Variants in LRP1B observed in about 807,000 individuals in gnomAD.
The protein encoded by LRP1B is low-density lipoprotein receptor-related protein 1B.
A neutral mutation model predicts 556.6 loss-of-function variants in LRP1B; 217 were observed. That is an observed-to-expected ratio of 0.39 (90% CI 0.35 to 0.44). The LOEUF is 0.44. LRP1B is among the 20% of genes least tolerant of loss of function. The probability of loss-of-function intolerance (pLI) is 1.00; values close to 1 mark genes in which losing one functional copy is unlikely to be tolerated. For missense variants in LRP1B, 5,053 were observed against 5,620.8 expected (o/e 0.90, Z 3.23); for synonymous variants, 2,047 against 1,865.8 (o/e 1.10, Z -2.50).
At chr2:140,258,872 GT>G (rs1346051354) in intron 86 of LRP1B, among the ~76,000 whole-genome samples, 1 of 152,006 alleles carries the variant, frequency 6.6e-6, no homozygotes, top group African/African-American at 2.4e-5. Context: ...AAAAATCTTT[GT>G]CTTCCTTTAC....
chr2:140,336,082 G>C (rs1681077820), intron 77 of LRP1B, among the ~76,000 whole-genome samples: 1 of 151,954 alleles, frequency 6.6e-6, no homozygotes, highest in African/African-American at 2.4e-5. Flanking sequence ...TTACTCTGCT[G>C]AAATATTTCC....
chr2:140,846,578 A>AAGAT (rs1692280277), intron 29 of LRP1B, among the ~76,000 whole-genome samples: 1 of 152,082 alleles, frequency 6.6e-6, no homozygotes, highest in Non-Finnish European at 1.5e-5. Flanking sequence ...GAAAGAAAGA[A>AAGAT]AATGGCCCAC....
chr2:142,106,548 A>G (rs535102378), intron 1 of LRP1B, among the ~76,000 whole-genome samples: 1 of 152,202 alleles, frequency 6.6e-6, no homozygotes, highest in African/African-American at 2.4e-5. Flanking sequence ...GCCAATCTAT[A>G]CTCCATTATA....
At chr2:140,421,412 G>C (rs1481752382) in intron 66 of LRP1B, among the ~76,000 whole-genome samples, 1 of 152,062 alleles carries the variant, frequency 6.6e-6, no homozygotes, top group African/African-American at 2.4e-5. Flanking sequence ...ATTTATACTG[G>C]TCACTAATGT....
intron 3 of LRP1B, among the ~76,000 whole-genome samples, chr2:141,348,973 C>T (rs569312104): frequency 1.5e-4 from 23 of 151,964 alleles, no homozygotes; most frequent in Non-Finnish European, 2.4e-4. Flanking sequence ...CTTGTTTCTC[C>T]TTGCCTTCCA....
intron 2 of LRP1B, among the ~76,000 whole-genome samples, chr2:141,675,451 A>C (rs1337062164): frequency 6.6e-6 from 1 of 152,038 alleles, no homozygotes; most frequent in Admixed American, 6.6e-5. Context: ...GGTCATGTTC[A>C]TAGTCCAGAG....
chr2:140,545,601 C>T (rs1209160955), intron 43 of LRP1B, among the ~76,000 whole-genome samples: 1 of 151,964 alleles, frequency 6.6e-6, no homozygotes, highest in Non-Finnish European at 1.5e-5. Context: ...TGTAGGTATG[C>T]AGCCTTATTT....
Position 140,485,398 on chromosome 2 carries a change from G to A in LRP1B, c.9370C>T (p.Leu3124Phe), listed in dbSNP as rs2105362699. 1.2e-6 allele frequency: 2 copies of A among 1,613,790 alleles called. No homozygotes were observed. Among genetic ancestry groups the A allele is most frequent in the Non-Finnish European group, 1.7e-6 (2 of 1,179,828 alleles). The stretch of plus-strand genomic sequence containing the variant: ...GGAAACTTCAGCCTTTTGCTAACGA[G>A]TATAGTAGGGTACAAGCCATTGAGT... ...SKLNGLYPTI[L>F]VSKRLKFPRD... is the part of the protein sequence containing the mutation. Residue 3124 changes from leucine (L) to phenylalanine (F), a missense_variant, in exon 59 of 91, where the codon CTC becomes TTC. Physicochemically the swap from Leu to Phe is conservative, Grantham distance 22. This residue lies in a region of LRP1B where 3,619 missense variants were observed against 3,931.9 expected (regional missense o/e 0.92). Coordinates refer to ENST00000389484, the MANE Select transcript of LRP1B (RefSeq NM_018557.3).
chr2:140,871,686 G>C (rs534737730), intron 25 of LRP1B, among the ~76,000 whole-genome samples: 1 of 151,990 alleles, frequency 6.6e-6, no homozygotes, highest in African/African-American at 2.4e-5. Flanking sequence ...CTACTATAGG[G>C]GCTTTATTTA....
At position 140,815,686 on chromosome 2, in the gene LRP1B, T is replaced by C. The variant is rs570551946; in HGVS notation, c.5210-1880A>G. ...TTGTCAAGCCATATATTTAGGATGG[T>C]TTACTTTTCCATATGTACGTGATTC... On this transcript the variant is annotated intron_variant, in intron 31 of 90. Transcript: ENST00000389484. 2.6e-5 allele frequency among the ~76,000 whole-genome samples: 4 copies of C among 152,240 alleles called. No homozygotes were observed. The South Asian group carries it at 8.3e-4, about 32-fold the overall frequency.
At chr2:140,371,408 C>T (rs634115) in intron 69 of LRP1B, 123 bp from the exon 70 acceptor site, 177,483 of 432,304 alleles carry the variant, frequency 0.41, 36,897 homozygotes, top group Non-Finnish European at 0.44. Context: ...TACTATATAA[C>T]GACATTTAAT....
chr2:140,777,178 A>G (rs1689527817), intron 32 of LRP1B, among the ~76,000 whole-genome samples: 1 of 152,194 alleles, frequency 6.6e-6, no homozygotes, highest in South Asian at 2.1e-4. Flanking sequence ...CCACAAATCA[A>G]TTTCTACCTA....
intron 2 of LRP1B, among the ~76,000 whole-genome samples, chr2:141,774,095 A>C (rs7563727): frequency 0.3 from 45,990 of 152,068 alleles, 7,293 homozygotes; most frequent in African/African-American, 0.42. Flanking sequence ...CTTTGGCAGA[A>C]ATCACAATTA....
chr2:141,251,991 T>G (rs1270943647), intron 4 of LRP1B, among the ~76,000 whole-genome samples: 1 of 151,982 alleles, frequency 6.6e-6, no homozygotes, highest in African/African-American at 2.4e-5. Flanking sequence ...CTCCCACCAG[T>G]TTCCAGGAGG....
chr2:141,449,897 G>A (rs1163855391), intron 3 of LRP1B, among the ~76,000 whole-genome samples: 2 of 152,002 alleles, frequency 1.3e-5, no homozygotes, highest in Non-Finnish European at 2.9e-5. Context: ...GATGTTTAGC[G>A]GCATTCCTCA....
rs370997780 is a variant in LRP1B at position 140,587,648 on chromosome 2, T to C, written c.7194+10983A>G. ...AGACACGAGAAATTAACTTTGGAGA[T>C]AAATAGCACAAAAATTAGTAAGTAC... On this transcript the variant is annotated intron_variant, in intron 43 of 90. Transcript: ENST00000389484. 2.4e-4 allele frequency among the ~76,000 whole-genome samples: 37 copies of C among 152,228 alleles called. 1 individual carries two copies. In the South Asian group the frequency reaches 7.5e-3, roughly 31 times the overall value.
At chr2:140,429,121 G>A (rs191671946) in intron 66 of LRP1B, among the ~76,000 whole-genome samples, 67 of 152,092 alleles carry the variant, frequency 4.4e-4, no homozygotes, top group African/African-American at 1.4e-3. Flanking sequence ...CCTGCTCAAC[G>A]CCAATATCCA....
At chr2:141,106,077 T>TA (rs1342568507) in intron 7 of LRP1B, among the ~76,000 whole-genome samples, 2 of 152,138 alleles carry the variant, frequency 1.3e-5, no homozygotes, top group East Asian at 1.9e-4. Flanking sequence ...TCACCACTTT[T>TA]AAAAAAATAA....
chr2:140,333,525 T>G (rs1359614812), intron 79 of LRP1B, among the ~76,000 whole-genome samples: 1 of 152,016 alleles, frequency 6.6e-6, no homozygotes, highest in African/African-American at 2.4e-5. Flanking sequence ...CTTCTCCCCA[T>G]AAAGAGTAAA....
Sources: gnomAD v4.1 joint callset for allele counts (sites outside exome capture counted in the v4.1 genomes callset) on GRCh38, gnomAD v4.1.1 for gene constraint, gnomAD v4.1.1 regional missense constraint, MANE v1.5 for transcripts, NCBI Gene and HGNC (gene_info 2026-07-23, HGNC 2026-07-21) for gene names.